Variants in DLEU7 observed in about 807,000 individuals in gnomAD.
DLEU7 encodes the protein leukemia-associated protein 7.
In DLEU7, 17 loss-of-function variants were observed where a neutral mutation model predicts 16.0. The ratio of observed to expected loss-of-function variants is 1.06; its 90% CI spans 0.73 to 1.59. DLEU7 has a LOEUF of 1.59. Among genes scored for constraint, DLEU7 ranks in the 40% most tolerant of loss-of-function variants. The pLI is 0.00. For synonymous variants in DLEU7, 113 were observed against 139.8 expected (o/e 0.81, Z 1.35); for missense variants, 308 against 314.9 (o/e 0.98, Z 0.17).
At chr13:50,829,738 T>C (rs1877202541) in intron 1 of DLEU7, among the ~76,000 whole-genome samples, 1 of 152,206 alleles carries the variant, frequency 6.6e-6, no homozygotes, top group Admixed American at 6.5e-5. Context: ...TTAATAGGAA[T>C]AGGCTTTCCG....
intron 1 of DLEU7, among the ~76,000 whole-genome samples, chr13:50,790,728 T>G (rs945858416): frequency 2.6e-5 from 4 of 152,172 alleles, no homozygotes; most frequent in Non-Finnish European, 5.9e-5. Flanking sequence ...CTGTATAAAC[T>G]GTCAATAACT....
intron 1 of DLEU7, among the ~76,000 whole-genome samples, chr13:50,737,764 A>G (rs985393016): frequency 6.6e-6 from 1 of 152,030 alleles, no homozygotes; most frequent in African/African-American, 2.4e-5. Context: ...CCAATTAGTA[A>G]CCCTACAGTG....
intron 1 of DLEU7, among the ~76,000 whole-genome samples, chr13:50,741,716 A>G (rs1347511409): frequency 1.3e-5 from 2 of 152,310 alleles, no homozygotes; most frequent in Admixed American, 6.5e-5. Flanking sequence ...CTCAATTAAT[A>G]TCATAAAAGA....
chr13:50,827,974 A>C (rs536322877), intron 1 of DLEU7, among the ~76,000 whole-genome samples: 2 of 152,336 alleles, frequency 1.3e-5, no homozygotes, highest in Non-Finnish European at 2.9e-5. Context: ...AAGAGAAGCC[A>C]AAATAAAACC....
At chr13:50,747,400 G>A (rs940858324) in intron 1 of DLEU7, among the ~76,000 whole-genome samples, 12 of 151,570 alleles carry the variant, frequency 7.9e-5, no homozygotes, top group Admixed American at 4.6e-4. Flanking sequence ...GGGTGTGTGC[G>A]CGCATTTGTG....
chr13:50,840,237 A>C (rs1237769524), intron 1 of DLEU7: 1 of 152,212 alleles, frequency 6.6e-6, no homozygotes, highest in African/African-American at 2.4e-5. Flanking sequence ...GTATGTTCCC[A>C]ATTTAAAAAT....
At chr13:50,760,356 G>A (rs868307238) in intron 1 of DLEU7, among the ~76,000 whole-genome samples, 4 of 151,858 alleles carry the variant, frequency 2.6e-5, no homozygotes, top group South Asian at 4.2e-4. Flanking sequence ...TTTTTTGGTG[G>A]GAGCTGGGGG....
intron 1 of DLEU7, among the ~76,000 whole-genome samples, chr13:50,811,020 G>T (rs1303205937): frequency 1.3e-5 from 2 of 152,152 alleles, no homozygotes; most frequent in Non-Finnish European, 2.9e-5. Context: ...ATGCAGGAAA[G>T]TGTGTATGTG....
chr13:50,780,936 C>T (rs1434235874), intron 1 of DLEU7, among the ~76,000 whole-genome samples: 1 of 152,204 alleles, frequency 6.6e-6, no homozygotes, highest in Non-Finnish European at 1.5e-5. Flanking sequence ...CCTCCCAGAG[C>T]CAGCACTCAA....
At chr13:50,792,540 G>A (rs1278082991) in intron 1 of DLEU7, among the ~76,000 whole-genome samples, 1 of 152,106 alleles carries the variant, frequency 6.6e-6, no homozygotes. Context: ...CTAACTGAGT[G>A]TCTTATTTTT....
intron 1 of DLEU7, among the ~76,000 whole-genome samples, chr13:50,835,474 G>T (rs959614984): frequency 2.6e-5 from 4 of 152,244 alleles, no homozygotes; most frequent in African/African-American, 9.6e-5. Context: ...AAGGTTGACT[G>T]AGTGTTATGA....
Position 50,745,708 on chromosome 13 carries a change from C to G in DLEU7, c.460-32468G>C, listed in dbSNP as rs191001008. On this transcript the variant is annotated intron_variant, in intron 1 of 1. Coordinates refer to the DLEU7 transcript ENST00000400393. The stretch of plus-strand genomic sequence containing the variant: ...GCTGAAATGAAACCGAGTGACAGCA[C>G]TGAAAGGAAATTTATCTTCCTGGTC... Among the ~76,000 whole-genome samples the G allele has an allele frequency of 4.5e-4, 68 of 152,194 alleles. 1 individual carries two copies. The highest frequency in any genetic ancestry group is 1.6e-3 in the Admixed American group (24 of 15,282).
chr13:50,772,189 A>G (rs950160730), intron 1 of DLEU7, among the ~76,000 whole-genome samples: 14 of 152,186 alleles, frequency 9.2e-5, no homozygotes, highest in African/African-American at 3.1e-4. Flanking sequence ...TCCTAAATAC[A>G]GCACACTGAT....
At position 50,713,691 on chromosome 13, in the gene DLEU7, G is replaced by GCGTC. The variant is rs549143160; in HGVS notation, c.460-455_460-452dup. ...AGCATCATGGACGTATTTGTTCCTGGCGTCATAAGCCTGCATACGGTAGGC... is the reference window on the plus strand; with the variant it reads ...AGCATCATGGACGTATTTGTTCCTGGCGTCCGTCATAAGCCTGCATACGGTAGGC... On this transcript the variant is annotated intron_variant, in intron 1 of 1. Transcript: ENST00000400393. Among the ~76,000 whole-genome samples the GCGTC allele has an allele frequency of 4.6e-5, 7 of 152,224 alleles. No homozygotes were observed. The East Asian group carries it at 1.4e-3, about 29-fold the overall frequency.
chr13:50,775,082 G>A (rs191168091), intron 1 of DLEU7, among the ~76,000 whole-genome samples: 22 of 151,324 alleles, frequency 1.5e-4, no homozygotes, highest in African/African-American at 4.1e-4. Flanking sequence ...TCAACATCTC[G>A]TTATTCTGTA....
intron 1 of DLEU7, among the ~76,000 whole-genome samples, chr13:50,800,034 T>C (rs924257493): frequency 3.9e-5 from 6 of 152,158 alleles, no homozygotes; most frequent in Non-Finnish European, 5.9e-5. Context: ...CAAGGGGCAT[T>C]GAAGGCTTCA....
chr13:50,739,033 G>A (rs1297966902), intron 1 of DLEU7, among the ~76,000 whole-genome samples: 2 of 149,610 alleles, frequency 1.3e-5, no homozygotes, highest in African/African-American at 4.9e-5. Flanking sequence ...TGGCCACACT[G>A]GCCTGATTTC....
intron 1 of DLEU7, among the ~76,000 whole-genome samples, chr13:50,799,531 C>T (rs902865948): frequency 6.6e-6 from 1 of 152,170 alleles, no homozygotes; most frequent in Admixed American, 6.6e-5. Context: ...AAAGCTTTGA[C>T]ATTGTAGTTT....
Position 50,843,480 on chromosome 13 carries a change from G to A in DLEU7, c.167C>T (p.Pro56Leu). 1 of 1,339,524 alleles carries A rather than the reference G, an allele frequency of 7.5e-7. No homozygotes were observed. Among genetic ancestry groups the A allele is most frequent in the Non-Finnish European group, 9.5e-7 (1 of 1,052,954 alleles). The allele number at this position is 1,339,524 out of a possible 1,614,324, so 83.0% of individuals were successfully genotyped here. ...CCCGGGCCCCGGCCGGGCCCGCGGC[G>A]GGCCTGAGCGACGGGCTGGAGCGGT... The part of the protein sequence containing the change: ...VSTAPARRSG[P>L]PRARPGPGRE... The change falls in exon 1 of 2, where the codon CCG (proline) becomes CTG (leucine). Residue 56 changes from proline (P) to leucine (L), a missense_variant. Transcript: ENST00000504404. The surrounding 1 kb of genome is among the most constrained non-coding windows in gnomAD (Gnocchi z 5.7).
Sources: gnomAD v4.1 joint callset for allele counts (sites outside exome capture counted in the v4.1 genomes callset) on GRCh38, gnomAD v4.1.1 for gene constraint, Gnocchi (gnomAD v3.1) non-coding constraint, MANE v1.5 for transcripts, NCBI Gene and HGNC (gene_info 2026-07-23, HGNC 2026-07-21) for gene names.